Variants in PKIA observed in about 807,000 individuals in gnomAD.
The protein encoded by PKIA is cAMP-dependent protein kinase inhibitor alpha.
PKIA carries 4 observed loss-of-function variants against 7.6 expected under a neutral mutation model. That is an observed-to-expected ratio of 0.52 (90% CI 0.26 to 1.20). The LOEUF is 1.20. Ranked by LOEUF, PKIA falls within the 50% of genes most tolerant of loss-of-function variation. The pLI is 0.13. For synonymous variants in PKIA, 21 were observed against 30.7 expected (o/e 0.68, Z 1.04); for missense variants, 73 against 86.2 (o/e 0.85, Z 0.61).
At chr8:78,588,408 A>G (rs1440205936) in intron 2 of PKIA, among the ~76,000 whole-genome samples, 1 of 152,194 alleles carries the variant, frequency 6.6e-6, no homozygotes, top group East Asian at 1.9e-4. Flanking sequence ...TCGACCCAGG[A>G]GGCGGAGGTT....
At position 78,585,993 on chromosome 8, in the gene PKIA, T is replaced by A. The variant is rs939783009; in HGVS notation, c.-27-12365T>A. On this transcript the variant is annotated intron_variant, in intron 2 of 3. Coordinates refer to ENST00000396418, the MANE Select transcript of PKIA (RefSeq NM_006823.4). The stretch of plus-strand genomic sequence containing the variant: ...AGAAATCTAGATGCAATTCTAAAAT[T>A]GTCAACCTAGAATCCTCTACCTTCA... 9.2e-5 allele frequency among the ~76,000 whole-genome samples: 14 copies of A among 152,258 alleles called. No individual in the cohort carries two copies. In the South Asian group the frequency reaches 2.9e-3, roughly 32 times the overall value.
intron 1 of PKIA, among the ~76,000 whole-genome samples, chr8:78,519,368 T>G (rs1809373889): frequency 6.6e-6 from 1 of 151,864 alleles, no homozygotes; most frequent in African/African-American, 2.4e-5. Context: ...AGCCCAGGAG[T>G]CTGAGGCTGC....
chr8:78,525,846 T>A (rs1422110908), intron 1 of PKIA, among the ~76,000 whole-genome samples: 3 of 152,150 alleles, frequency 2.0e-5, no homozygotes, highest in Admixed American at 2.0e-4. Flanking sequence ...TATGTCTAGA[T>A]CATGTTTTTC....
At chr8:78,520,661 T>G (rs984399201) in intron 1 of PKIA, among the ~76,000 whole-genome samples, 8 of 152,204 alleles carry the variant, frequency 5.3e-5, no homozygotes, top group Non-Finnish European at 1.2e-4. Context: ...GTTTTGTGAT[T>G]AATCTTTCCA....
intron 2 of PKIA, among the ~76,000 whole-genome samples, chr8:78,598,144 A>G (rs1160758570): frequency 6.7e-6 from 1 of 148,896 alleles, no homozygotes; most frequent in Non-Finnish European, 1.5e-5. Context: ...AATATTAAAT[A>G]TTACATTTAA....
At chr8:78,535,722 C>T (rs1806505055) in intron 1 of PKIA, 1 of 151,958 alleles carries the variant, frequency 6.6e-6, no homozygotes, top group African/African-American at 2.4e-5. Context: ...AACCAGCAGA[C>T]TGAAAATATT....
intron 1 of PKIA, among the ~76,000 whole-genome samples, chr8:78,526,444 G>C (rs769467486): frequency 6.6e-6 from 1 of 151,872 alleles, no homozygotes; most frequent in Non-Finnish European, 1.5e-5. Flanking sequence ...ATGATATTAC[G>C]GGCATTAAAT....
chr8:78,531,640 C>T lies in PKIA; in HGVS notation c.-157+15172C>T, dbSNP rs1226903347. Reference sequence around the variant, plus strand: ...ATTGAGTAAAGTACCTGTAGTCACACAGCTAATAAAGCACACAGATAGGAT... The same window carrying T: ...ATTGAGTAAAGTACCTGTAGTCACATAGCTAATAAAGCACACAGATAGGAT... On this transcript the variant is annotated intron_variant, in intron 1 of 3. Coordinates refer to ENST00000396418, the MANE Select transcript of PKIA (RefSeq NM_006823.4). 4.6e-5 allele frequency among the ~76,000 whole-genome samples: 7 copies of T among 152,198 alleles called. No individual in the cohort carries two copies. The East Asian group carries it at 9.7e-4, about 21-fold the overall frequency.
intron 1 of PKIA, among the ~76,000 whole-genome samples, chr8:78,572,312 T>G (rs1807568423): frequency 6.7e-6 from 1 of 150,350 alleles, no homozygotes; most frequent in Non-Finnish European, 1.5e-5. Flanking sequence ...ACATTAAAAG[T>G]CTCTGTAAAT....
intron 1 of PKIA, among the ~76,000 whole-genome samples, chr8:78,564,806 T>C (rs913985484): frequency 6.6e-6 from 1 of 151,912 alleles, no homozygotes; most frequent in Non-Finnish European, 1.5e-5. Flanking sequence ...AAATTATAAT[T>C]ATGAGACTAT....
At chr8:78,587,973 A>G (rs1378491986) in intron 2 of PKIA, among the ~76,000 whole-genome samples, 2 of 152,236 alleles carry the variant, frequency 1.3e-5, no homozygotes, top group African/African-American at 4.8e-5. Flanking sequence ...AGAACAATCT[A>G]CATAATACAT....
At chr8:78,557,241 G>A (rs1807162723) in intron 1 of PKIA, among the ~76,000 whole-genome samples, 1 of 152,096 alleles carries the variant, frequency 6.6e-6, no homozygotes, top group African/African-American at 2.4e-5. Context: ...ATAATAACTT[G>A]GTTTTAGGGA....
chr8:78,525,426 AT>A (rs1809523676), intron 1 of PKIA, among the ~76,000 whole-genome samples: 1 of 151,982 alleles, frequency 6.6e-6, no homozygotes, highest in Admixed American at 6.6e-5. Flanking sequence ...ATATGTTGGA[AT>A]GACTATTTCA....
chr8:78,566,535 T>C (rs987809893), intron 1 of PKIA, among the ~76,000 whole-genome samples: 1 of 152,050 alleles, frequency 6.6e-6, no homozygotes, highest in African/African-American at 2.4e-5. Flanking sequence ...GCCAGTATCA[T>C]TGGCAACCAC....
intron 1 of PKIA, among the ~76,000 whole-genome samples, chr8:78,562,590 G>T (rs1160861307): frequency 6.6e-6 from 1 of 152,054 alleles, no homozygotes; most frequent in Non-Finnish European, 1.5e-5. Context: ...TAGCTATCAC[G>T]TGGCTTTGCA....
At chr8:78,581,286 A>G (rs1807801130) in intron 2 of PKIA, among the ~76,000 whole-genome samples, 2 of 152,132 alleles carry the variant, frequency 1.3e-5, no homozygotes, top group Non-Finnish European at 2.9e-5. Flanking sequence ...ATAAATAATA[A>G]TAGAAACTCG....
intron 2 of PKIA, among the ~76,000 whole-genome samples, chr8:78,576,268 A>G (rs1010160019): frequency 1.8e-4 from 28 of 152,008 alleles, no homozygotes; most frequent in Non-Finnish European, 3.2e-4. Context: ...AATAGTCACT[A>G]TATTTCCTAT....
rs1404361366 is a variant in PKIA at position 78,603,510 on chromosome 8, A to G, written c.*1689A>G. 6.6e-6 allele frequency: 1 copy of G among 151,984 alleles called. No individual in the cohort carries two copies. Among genetic ancestry groups the G allele is most frequent in the Non-Finnish European group, 1.5e-5 (1 of 67,966 alleles). The allele number at this position is 151,984 out of a possible 1,614,324, so 9.4% of individuals were successfully genotyped here. ...TCAGATATTACTAGAAAAAAAATTAATAATGTGAGCCTTTCCGAGAGCAGA... is the reference window on the plus strand; with the variant it reads ...TCAGATATTACTAGAAAAAAAATTAGTAATGTGAGCCTTTCCGAGAGCAGA... On this transcript the variant is annotated 3_prime_UTR_variant, in exon 4 of 4. Transcript: ENST00000396418.
chr8:78,526,612 A>C (rs1328615467), intron 1 of PKIA, among the ~76,000 whole-genome samples: 1 of 152,008 alleles, frequency 6.6e-6, no homozygotes, highest in African/African-American at 2.4e-5. Flanking sequence ...AATTAAACTA[A>C]CTCCATTGTA....
Sources: allele counts gnomAD v4.1 joint callset (sites outside exome capture counted in the v4.1 genomes callset), GRCh38; gene constraint gnomAD v4.1.1; transcripts MANE v1.5; gene names NCBI Gene and HGNC (gene_info 2026-07-23, HGNC 2026-07-21).